Variants in LAMA1 observed in about 807,000 individuals in gnomAD.
LAMA1 encodes laminin subunit alpha 1.
LAMA1 carries 219 observed loss-of-function variants against 348.7 expected under a neutral mutation model. The ratio of observed to expected loss-of-function variants is 0.63; its 90% CI spans 0.56 to 0.70. The LOEUF (loss-of-function observed/expected upper bound fraction) is 0.70. Ranked by LOEUF, LAMA1 falls within the 30% of genes least tolerant of loss-of-function variation. The pLI, the probability that LAMA1 is intolerant of heterozygous loss-of-function variation, is 0.00. For missense variants in LAMA1, 3,744 were observed against 3,888.0 expected, an observed-to-expected ratio of 0.96 and a Z score of 0.99; for synonymous variants, 1,487 against 1,491.0, an observed-to-expected ratio of 1.00 and a Z score of 0.06.
intron 1 of LAMA1, among the ~76,000 whole-genome samples, chr18:7,089,945 T>C (rs1192929434): frequency 1.3e-5 from 2 of 152,182 alleles, no homozygotes; most frequent in Admixed American, 1.3e-4. Context: ...TATAGCCACG[T>C]GTCATAAAGT....
In LAMA1 at chr18:6,949,089, A is replaced by T; in HGVS notation, c.8556+12T>A. On this transcript the variant is annotated intron_variant, in intron 59 of 62. Coordinates refer to ENST00000389658, the MANE Select transcript of LAMA1 (RefSeq NM_005559.4). ...ACGAAGGTAAAATGTCAGTATGGAA[A>T]ATGCTGCTTACATTTCCAATTTTCC... 6.2e-7 allele frequency: 1 copy of T among 1,614,138 alleles called. No homozygotes were observed. The highest frequency in any genetic ancestry group is 8.5e-7 in the Non-Finnish European group (1 of 1,180,028).
intron 1 of LAMA1, among the ~76,000 whole-genome samples, chr18:7,093,200 A>T (rs2058246647): frequency 1.3e-5 from 2 of 152,144 alleles, no homozygotes; most frequent in Non-Finnish European, 2.9e-5. Context: ...GCGGATCACG[A>T]GGTCAGGATA....
chr18:7,012,141 A>G lies in LAMA1; in HGVS notation c.3364-3T>C. 6.2e-7 allele frequency: 1 copy of G among 1,613,910 alleles called. No individual in the cohort carries two copies. Among genetic ancestry groups the G allele is most frequent in the Middle Eastern group, 1.6e-4 (1 of 6,062 alleles). On this transcript the variant is annotated splice_polypyrimidine_tract_variant and splice_region_variant and intron_variant, in intron 23 of 62. Transcript: ENST00000389658. ...CACTGAGGACCAAAGACATTTTCCT[A>G]CAGGGGAGCAAATAAAGGACTCGTT...
At chr18:7,101,014 G>A (rs531278575) in intron 1 of LAMA1, among the ~76,000 whole-genome samples, 6 of 151,988 alleles carry the variant, frequency 3.9e-5, no homozygotes, top group Admixed American at 1.3e-4. Flanking sequence ...TGACAGAGCT[G>A]GACTCTGTCT....
At chr18:6,955,256 T>C (rs1253586048) in intron 57 of LAMA1, 97 bp downstream of exon 57, 3 of 949,598 alleles carry the variant, frequency 3.2e-6, no homozygotes, top group African/African-American at 1.6e-5. Context: ...CATCATAAAA[T>C]AAAAGCAGGT....
In LAMA1 at chr18:7,050,862, A is replaced by G. The variant is rs756449523; in HGVS notation, c.420T>C (p.Ser140=). The G allele has an allele frequency of 6.2e-7, 1 of 1,614,222 alleles. No individual in the cohort carries two copies. Among genetic ancestry groups the G allele is most frequent in the Non-Finnish European group, 8.5e-7 (1 of 1,180,048 alleles). ...PRPGNWILER[S]LDGTTFSPWQ... is the part of the protein sequence containing the mutation. ...AGGGGCTGAACGTGGTGCCATCCAG[A>G]GAACGCTCCAAAATCCAGTTTCCAG... is the stretch of plus-strand genomic sequence containing the variant. Residue 140 remains serine, a synonymous_variant, in exon 4 of 63, where the codon TCT becomes TCC. Coordinates refer to ENST00000389658, the MANE Select transcript of LAMA1 (RefSeq NM_005559.4).
intron 50 of LAMA1, among the ~76,000 whole-genome samples, chr18:6,965,079 A>C (rs1198474923): frequency 6.6e-6 from 1 of 152,222 alleles, no homozygotes; most frequent in Non-Finnish European, 1.5e-5. Context: ...TAAATAACAC[A>C]CTTGGAAATC....
intron 30 of LAMA1, among the ~76,000 whole-genome samples, chr18:7,001,635 C>A (rs1157211547): frequency 6.6e-6 from 1 of 152,110 alleles, no homozygotes; most frequent in Non-Finnish European, 1.5e-5. Context: ...AACATTTGAT[C>A]TTTGTATGTT....
At chr18:7,025,552 G>A (rs1330181608) in intron 17 of LAMA1, among the ~76,000 whole-genome samples, 6 of 152,134 alleles carry the variant, frequency 3.9e-5, no homozygotes, top group South Asian at 4.1e-4. Flanking sequence ...ATAAATATCT[G>A]TTGAATCAAT....
At position 6,997,803 on chromosome 18, in the gene LAMA1, C is replaced by T; in HGVS notation, c.4745G>A (p.Gly1582Asp). Residue 1582 changes from glycine (G) to aspartate (D), a missense_variant, in exon 33 of 63, where the codon GGC (glycine) becomes GAC (aspartate). Coordinates refer to ENST00000389658, the MANE Select transcript of LAMA1 (RefSeq NM_005559.4). The part of the protein sequence containing the change: ...GDAVLSLNLT[G>D]IIPVPYGILS... ...AATTCCATATGGGACAGGGATAATG[C>T]CAGTGAGGTTCAGAGAAAGAACGGC... 1.2e-6 allele frequency: 2 copies of T among 1,613,810 alleles called. No homozygotes were observed. Among genetic ancestry groups the T allele is most frequent in the East Asian group, 2.2e-5 (1 of 44,876 alleles).
At position 7,012,132 on chromosome 18, in the gene LAMA1, C is replaced by T; in HGVS notation, c.3370G>A (p.Val1124Ile). The change falls in exon 24 of 63, where the codon GTC (valine) becomes ATC (isoleucine). Residue 1124 changes from valine (V) to isoleucine (I), a missense_variant. Around this residue, in one of 3 missense-constraint regions of LAMA1, gnomAD observed 1,529 missense variants for 1,689.4 expected, o/e 0.91. Transcript: ENST00000389658. ...CATTCGTTGCACTGAGGACCAAAGA[C>T]ATTTTCCTACAGGGGAGCAAATAAA... The part of the protein sequence containing the change: ...ETGACPCKEN[V>I]FGPQCNECRE... 1.9e-6 allele frequency: 3 copies of T among 1,613,916 alleles called. No homozygotes were observed. The highest frequency in any genetic ancestry group is 2.5e-6 in the Non-Finnish European group (3 of 1,179,926).
intron 58 of LAMA1, among the ~76,000 whole-genome samples, chr18:6,950,157 C>T (rs901705002): frequency 6.6e-6 from 1 of 152,098 alleles, no homozygotes; most frequent in South Asian, 2.1e-4. Flanking sequence ...AAGACAACTT[C>T]GACCCCCTGT....
intron 3 of LAMA1, among the ~76,000 whole-genome samples, chr18:7,057,043 T>C (rs2058084941): frequency 6.6e-6 from 1 of 152,108 alleles, no homozygotes; most frequent in Non-Finnish European, 1.5e-5. Flanking sequence ...AGCTAATTTT[T>C]GTATTTTTAG....
rs1057520816 is a variant in LAMA1 at position 6,997,883 on chromosome 18, G to A, written c.4665C>T (p.Ser1555=). The A allele has an allele frequency of 1.2e-6, 2 of 1,613,996 alleles. No homozygotes were observed. The highest frequency in any genetic ancestry group is 1.7e-6 in the Non-Finnish European group (2 of 1,180,016). ...GCACACCTACACACTCATCATCACAGGCTACAAGACAAATTTTTAAAAAGG... is the reference window on the plus strand; with the variant it reads ...GCACACCTACACACTCATCATCACAAGCTACAAGACAAATTTTTAAAAAGG... ...RHILMETDCV[S]CDDECVGVLL... Residue 1555 remains serine, a splice_region_variant and synonymous_variant, in exon 33 of 63, where the codon TCC becomes TCT. Transcript: ENST00000389658.
At chr18:6,949,285 A>C (rs778289002) in intron 58 of LAMA1, 26 bp from the exon 59 acceptor site, 22 of 1,613,208 alleles carry the variant, frequency 1.4e-5, no homozygotes, top group Non-Finnish European at 1.8e-5. Context: ...AACATGCATA[A>C]TTTTTGAGGA....
At chr18:7,034,789 C>G in intron 13 of LAMA1, 99 bp from the exon 14 acceptor site, 2 of 1,080,600 alleles carry the variant, frequency 1.9e-6, no homozygotes, top group Non-Finnish European at 2.7e-6. Context: ...GTTTTTCATT[C>G]GTGCCTAGCT....
chr18:7,099,190 A>G (rs2143816934), intron 1 of LAMA1, among the ~76,000 whole-genome samples: 1 of 151,358 alleles, frequency 6.6e-6, no homozygotes, highest in African/African-American at 2.4e-5. Context: ...GCTCTCTGAA[A>G]CATGTGCTGT....
At chr18:7,011,509 T>C (rs2144116606) in intron 24 of LAMA1, 30 bp from the exon 25 acceptor site, 1 of 1,575,490 alleles carries the variant, frequency 6.3e-7, no homozygotes, top group East Asian at 2.3e-5. Flanking sequence ...GAAAGTGCAC[T>C]TCAAAATGCG....
At chr18:7,041,154 G>T (rs1053891645) in intron 9 of LAMA1, among the ~76,000 whole-genome samples, 1 of 150,328 alleles carries the variant, frequency 6.7e-6, no homozygotes, top group African/African-American at 2.5e-5. Context: ...AAACTGTTTT[G>T]TAAAAAAAAA....
Sources: gnomAD v4.1 joint callset for allele counts (sites outside exome capture counted in the v4.1 genomes callset) on GRCh38, gnomAD v4.1.1 for gene constraint, gnomAD v4.1.1 regional missense constraint, MANE v1.5 for transcripts, NCBI Gene and HGNC (gene_info 2026-07-23, HGNC 2026-07-21) for gene names.